Variants in HYCC1 observed in about 807,000 individuals in gnomAD.
The protein encoded by HYCC1 is hyccin PI4KA lipid kinase complex subunit 1, also known as hyccin.
chr7:22,978,389 C>T, the HYCC1 span: 1 of 1,613,980 alleles, frequency 6.2e-7, no homozygotes, highest in East Asian at 2.2e-5. Context: ...TAAATTGAAG[C>T]AACTGCTCCT....
the HYCC1 span, among the ~76,000 whole-genome samples, chr7:22,904,534 G>A: frequency 6.6e-6 from 1 of 151,790 alleles, no homozygotes; most frequent in Non-Finnish European, 1.5e-5. Flanking sequence ...AATTCATCAT[G>A]CTTTCAACAG....
the HYCC1 span, among the ~76,000 whole-genome samples, chr7:22,980,593 A>C: frequency 2.6e-5 from 4 of 152,218 alleles, no homozygotes; most frequent in Non-Finnish European, 5.9e-5. Flanking sequence ...TTAATGACTA[A>C]GCAGGAAAAG....
chr7:22,908,547 C>A, the HYCC1 span, among the ~76,000 whole-genome samples: 1 of 152,202 alleles, frequency 6.6e-6, no homozygotes, highest in African/African-American at 2.4e-5. Flanking sequence ...TGATCTACAT[C>A]TTCTGTTACT....
At chr7:22,934,819 T>A in the HYCC1 span, 1 of 152,232 alleles carries the variant, frequency 6.6e-6, no homozygotes, top group African/African-American at 2.4e-5. Flanking sequence ...CGTTAGAGTC[T>A]TACTGCCCAA....
chr7:22,975,111 T>A, the HYCC1 span, among the ~76,000 whole-genome samples: 4 of 152,232 alleles, frequency 2.6e-5, no homozygotes, highest in African/African-American at 9.6e-5. Flanking sequence ...ATTTTCTAAA[T>A]AAATTCCTCA....
the HYCC1 span, among the ~76,000 whole-genome samples, chr7:22,916,427 T>C: frequency 5.3e-5 from 8 of 152,178 alleles, no homozygotes; most frequent in Non-Finnish European, 1.0e-4. Flanking sequence ...CCCTAAAAGC[T>C]GCTCCCACAA....
chr7:22,947,091 G>A, the HYCC1 span: 1 of 1,550,444 alleles, frequency 6.4e-7, no homozygotes, highest in Non-Finnish European at 8.7e-7. Context: ...ATCTGTGGCT[G>A]TTTCCTGCAC....
the HYCC1 span, among the ~76,000 whole-genome samples, chr7:22,920,608 GA>G: frequency 2.6e-5 from 4 of 151,656 alleles, no homozygotes; most frequent in African/African-American, 7.3e-5. Flanking sequence ...TATTTTACAA[GA>G]AAGACCAAAG....
At chr7:22,949,455 T>A in the HYCC1 span, among the ~76,000 whole-genome samples, 1 of 152,120 alleles carries the variant, frequency 6.6e-6, no homozygotes, top group East Asian at 1.9e-4. Context: ...ACAGTTAGGT[T>A]TAATTTATTC....
At chr7:22,931,769 A>C in the HYCC1 span, among the ~76,000 whole-genome samples, 1 of 152,164 alleles carries the variant, frequency 6.6e-6, no homozygotes, top group Non-Finnish European at 1.5e-5. Context: ...AACTGGAGGA[A>C]AGGTGATTAC....
At chr7:23,000,166 T>A in the HYCC1 span, among the ~76,000 whole-genome samples, 5 of 152,092 alleles carry the variant, frequency 3.3e-5, no homozygotes, top group African/African-American at 1.2e-4. Context: ...TAATCATCCT[T>A]CTCACTGCTG....
At chr7:23,011,084 C>G in the HYCC1 span, among the ~76,000 whole-genome samples, 1 of 152,186 alleles carries the variant, frequency 6.6e-6, no homozygotes, top group East Asian at 1.9e-4. Context: ...CCTGTTCCTC[C>G]TCCACTGGAA....
chr7:23,004,240 G>A, the HYCC1 span, among the ~76,000 whole-genome samples: 23 of 152,296 alleles, frequency 1.5e-4, no homozygotes, highest in African/African-American at 5.5e-4. Flanking sequence ...CTATAAGATT[G>A]TTTAATCCCT....
chr7:22,939,120 G>A, the HYCC1 span: 6 of 152,140 alleles, frequency 3.9e-5, no homozygotes, highest in Middle Eastern at 3.4e-3. Flanking sequence ...CTATATGTAC[G>A]TACCATAATT....
At chr7:22,948,834 C>G in the HYCC1 span, among the ~76,000 whole-genome samples, 2 of 151,942 alleles carry the variant, frequency 1.3e-5, no homozygotes. Context: ...TCTGGGTGCT[C>G]TGTAATAAAG....
At chr7:23,003,060 T>A in the HYCC1 span, among the ~76,000 whole-genome samples, 3 of 152,120 alleles carry the variant, frequency 2.0e-5, no homozygotes, top group Non-Finnish European at 4.4e-5. Context: ...CTTAACTGCC[T>A]CTCTAAAGAC....
the HYCC1 span, among the ~76,000 whole-genome samples, chr7:22,927,292 C>T: frequency 8.5e-5 from 13 of 152,154 alleles, no homozygotes; most frequent in South Asian, 2.5e-3. Context: ...CAAGAGCAAA[C>T]ACATTCAAAA....
At chr7:22,971,966 T>C in the HYCC1 span, among the ~76,000 whole-genome samples, 3 of 152,232 alleles carry the variant, frequency 2.0e-5, no homozygotes, top group South Asian at 6.2e-4. Context: ...TAAAAAGAAG[T>C]TTCCAAATAA....
chr7:22,993,157 T>C, the HYCC1 span, among the ~76,000 whole-genome samples: 442 of 152,202 alleles, frequency 2.9e-3, 5 homozygotes, highest in African/African-American at 0.01. Context: ...TTATAATAAA[T>C]GGGGCTAGGT....
Sources: gnomAD v4.1 joint callset for allele counts (sites outside exome capture counted in the v4.1 genomes callset) on GRCh38, gnomAD v4.1.1 for gene constraint, MANE v1.5 for transcripts, NCBI Gene and HGNC (gene_info 2026-07-23, HGNC 2026-07-21) for gene names.